The following FGF2 variants were observed in gnomAD, a reference collection of about 807,000 sequenced individuals.
FGF2 encodes fibroblast growth factor 2.
A neutral mutation model predicts 15.9 loss-of-function variants in FGF2; 13 were observed. The observed-to-expected ratio is 0.82, with a 90% CI of 0.53 to 1.30. The LOEUF is 1.30. Among genes scored for constraint, FGF2 ranks in the 50% most tolerant of loss-of-function variants. FGF2 has a pLI of 0.00. For synonymous variants in FGF2, 90 were observed against 78.4 expected, an observed-to-expected ratio of 1.15 and a Z score of -0.78; for missense variants, 163 against 196.9, an observed-to-expected ratio of 0.83 and a Z score of 1.03.
intron 1 of FGF2, among the ~76,000 whole-genome samples, chr4:122,843,196 A>C (rs185222785): frequency 1.1e-4 from 16 of 152,348 alleles, no homozygotes; most frequent in Admixed American, 6.5e-5. Flanking sequence ...GGAAGTCATA[A>C]AAGGCTTCAA....
intron 1 of FGF2, among the ~76,000 whole-genome samples, chr4:122,865,885 T>A (rs1726565382): frequency 1.3e-5 from 2 of 152,164 alleles, no homozygotes; most frequent in African/African-American, 4.8e-5. Flanking sequence ...TAACTCAAAA[T>A]GTATTAAAAC....
At chr4:122,830,132 A>G (rs748788207) in intron 1 of FGF2, among the ~76,000 whole-genome samples, 116 of 152,350 alleles carry the variant, frequency 7.6e-4, no homozygotes, top group Non-Finnish European at 1.4e-3. Context: ...TCTAAACTGC[A>G]GGTAACTTTT....
At chr4:122,839,929 C>T (rs1483670950) in intron 1 of FGF2, among the ~76,000 whole-genome samples, 2 of 152,094 alleles carry the variant, frequency 1.3e-5, no homozygotes, top group East Asian at 1.9e-4. Context: ...TAGTTTCTTC[C>T]GAGGCCCCTC....
intron 2 of FGF2, among the ~76,000 whole-genome samples, chr4:122,881,464 G>A (rs901505780): frequency 2.0e-5 from 3 of 152,044 alleles, no homozygotes; most frequent in African/African-American, 7.3e-5. Context: ...CATTTCTTCC[G>A]CCAGATACCC....
At chr4:122,880,774 T>A (rs754445061) in intron 2 of FGF2, among the ~76,000 whole-genome samples, 1 of 152,184 alleles carries the variant, frequency 6.6e-6, no homozygotes, top group African/African-American at 2.4e-5. Context: ...TTCTGGGGTC[T>A]GGAGGATGGT....
In FGF2 at chr4:122,866,551, G is replaced by A. The variant is rs371764795; in HGVS notation, c.179-9770G>A. Among the ~76,000 whole-genome samples, 23 of 152,244 alleles carry A rather than the reference G, an allele frequency of 1.5e-4. No individual in the cohort carries two copies. In the South Asian group the frequency reaches 4.8e-3, roughly 32 times the overall value. On this transcript the variant is annotated intron_variant, in intron 1 of 2. Coordinates refer to ENST00000644866, the MANE Select transcript of FGF2 (RefSeq NM_001361665.2). Reference sequence around the variant, plus strand: ...CTAAGTAGACAGTTCTTCAAAGAAGGTAACCAAATAGCCAATAAGCACATG... The same window carrying A: ...CTAAGTAGACAGTTCTTCAAAGAAGATAACCAAATAGCCAATAAGCACATG...
Position 122,894,828 on chromosome 4 carries a change from T to A in FGF2, c.*2432T>A, listed in dbSNP as rs1350043361. 4.6e-5 allele frequency: 7 copies of A among 152,210 alleles called. No individual in the cohort carries two copies. Among genetic ancestry groups the A allele is most frequent in the Admixed American group, 2.0e-4 (3 of 15,284 alleles). The allele number at this position is 152,210 out of a possible 1,614,324, so 9.4% of individuals were successfully genotyped here. A position where few individuals can be genotyped will look rare whatever the true frequency, so the allele number is the denominator to read the frequency against. On this transcript the variant is annotated 3_prime_UTR_variant, in exon 3 of 3. Transcript: ENST00000644866. The stretch of plus-strand genomic sequence containing the variant: ...CACTAGTCTTAAATTTGATATAACA[T>A]CTCCTAACTTGTTTAAATGTCCATT...
At chr4:122,861,507 C>T (rs1221291389) in intron 1 of FGF2, among the ~76,000 whole-genome samples, 7 of 151,868 alleles carry the variant, frequency 4.6e-5, no homozygotes, top group African/African-American at 1.5e-4. Context: ...CCTTTTTGCC[C>T]TCTTTTTACC....
Position 122,893,005 on chromosome 4 carries a change from T to G in FGF2, c.*609T>G, listed in dbSNP as rs770075653. 6.2e-7 allele frequency: 1 copy of G among 1,614,156 alleles called. No homozygotes were observed. The highest frequency in any genetic ancestry group is 8.5e-7 in the Non-Finnish European group (1 of 1,180,020). ...CTCTGCTGGTGATGGGAGTTGTATT[T>G]TCAGTCTTCGCCAGGTCATTGAGAT... On this transcript the variant is annotated 3_prime_UTR_variant, in exon 3 of 3. Transcript: ENST00000644866.
At chr4:122,885,913 CTTTTTTTTTTTTTTTTTT>C (rs11310783) in intron 2 of FGF2, among the ~76,000 whole-genome samples, 1 of 84,528 alleles carries the variant, frequency 1.2e-5, no homozygotes, top group African/African-American at 6.2e-5. Context: ...TTTTTTTTTC[CTTTTTTTTTTTTTTTTTT>C]TTTTTGAGAC....
intron 2 of FGF2, chr4:122,883,173 T>A (rs1045579384): frequency 6.6e-6 from 1 of 152,194 alleles, no homozygotes; most frequent in Non-Finnish European, 1.5e-5. Flanking sequence ...CCTGGGTTCT[T>A]CTCCATTTTA....
chr4:122,834,777 C>T (rs546077131), intron 1 of FGF2, among the ~76,000 whole-genome samples: 1 of 152,292 alleles, frequency 6.6e-6, no homozygotes, highest in East Asian at 1.9e-4. Context: ...GATAATAAGC[C>T]TTCCCCAAAA....
chr4:122,877,179 G>C (rs1033322877), intron 2 of FGF2, among the ~76,000 whole-genome samples: 1 of 150,784 alleles, frequency 6.6e-6, no homozygotes, highest in Non-Finnish European at 1.5e-5. Context: ...GCGTAATCTC[G>C]GGTCACTGTA....
chr4:122,848,810 T>C (rs1034853154), intron 1 of FGF2, among the ~76,000 whole-genome samples: 2 of 152,244 alleles, frequency 1.3e-5, no homozygotes, highest in Non-Finnish European at 2.9e-5. Flanking sequence ...GAAGCACTTG[T>C]GCTTTAGGTT....
chr4:122,893,986 C>T lies in FGF2; in HGVS notation c.*1590C>T, dbSNP rs529453831. On this transcript the variant is annotated 3_prime_UTR_variant, in exon 3 of 3. Transcript: ENST00000644866. The stretch of plus-strand genomic sequence containing the variant: ...TTTTGCCTCTATTTTTCTTGTTTGT[C>T]AAATAGTAAATGATATTTGCCCTTG... The T allele has an allele frequency of 2.0e-5, 3 of 152,146 alleles. No homozygotes were observed. Among genetic ancestry groups the T allele is most frequent in the Admixed American group, 6.5e-5 (1 of 15,276 alleles). 9.4% of individuals were successfully genotyped at this position (152,146 alleles called of 1,614,324 possible).
At chr4:122,861,759 C>G (rs1726474608) in intron 1 of FGF2, among the ~76,000 whole-genome samples, 1 of 152,164 alleles carries the variant, frequency 6.6e-6, no homozygotes, top group Non-Finnish European at 1.5e-5. Context: ...TTCCACAACA[C>G]ACACATACAT....
At position 122,897,301 on chromosome 4, in the gene FGF2, G is replaced by A. The variant is rs912165524; in HGVS notation, c.*4905G>A. 2.4e-5 allele frequency: 6 copies of A among 249,616 alleles called. No individual in the cohort carries two copies. Among genetic ancestry groups the A allele is most frequent in the East Asian group, 9.9e-5 (1 of 10,104 alleles). The allele number at this position is 249,616 out of a possible 1,614,324, so 15.5% of individuals were successfully genotyped here. On this transcript the variant is annotated 3_prime_UTR_variant, in exon 3 of 3. Coordinates refer to ENST00000644866, the MANE Select transcript of FGF2 (RefSeq NM_001361665.2). ...TTTAATTCCAACAACAATATTAGTC[G>A]TATCCAAAATAACCTTTAATGCTAA...
At chr4:122,826,709 G>C (rs753275484), upstream of FGF2, 3 of 1,255,452 alleles carry the variant, frequency 2.4e-6, no homozygotes, top group Non-Finnish European at 3.0e-6. Context: ...CTCAGAGGCC[G>C]GCCCCAGAAA....
chr4:122,866,010 AAG>A (rs1387625010), intron 1 of FGF2, among the ~76,000 whole-genome samples: 9 of 152,244 alleles, frequency 5.9e-5, no homozygotes, highest in Admixed American at 2.6e-4. Context: ...GCAACAAAAG[AAG>A]AACATTGATA....
Sources: allele counts gnomAD v4.1 joint callset (sites outside exome capture counted in the v4.1 genomes callset), GRCh38; gene constraint gnomAD v4.1.1; transcripts MANE v1.5; gene names NCBI Gene and HGNC (gene_info 2026-07-23, HGNC 2026-07-21).